ZEB1: variants seen among roughly 807,000 people sequenced by gnomAD.
ZEB1 encodes the protein zinc finger E-box-binding homeobox 1.
Under a neutral mutation model 84.9 loss-of-function variants are expected in ZEB1, and 21 were observed. The observed-to-expected ratio is 0.25, with a 90% CI of 0.18 to 0.36. The LOEUF (loss-of-function observed/expected upper bound fraction) is 0.36. Ranked by LOEUF, ZEB1 falls within the 10% of genes least tolerant of loss-of-function variation. The pLI, the probability that ZEB1 is intolerant of heterozygous loss-of-function variation, is 1.00. For synonymous variants in ZEB1, 420 were observed against 471.1 expected (o/e 0.89, Z 1.41); for missense variants, 1,104 against 1,330.2 (o/e 0.83, Z 2.65).
chr10:31,388,806 T>C lies in ZEB1; in HGVS notation c.58+69514T>C, dbSNP rs535342271. On this transcript the variant is annotated intron_variant, in intron 1 of 8. Coordinates refer to ENST00000424869, the MANE Select transcript of ZEB1 (RefSeq NM_001174096.2). ...TAGCATAGAATAGAATGGACAAATA[T>C]GTTATCCCTTTTTGCCAGTTGAGAA... Among the ~76,000 whole-genome samples the C allele has an allele frequency of 2.6e-5, 4 of 152,174 alleles. No individual in the cohort carries two copies. The East Asian group carries it at 5.8e-4, about 22-fold the overall frequency.
At chr10:31,503,650 T>C (rs917255896) in intron 4 of ZEB1, among the ~76,000 whole-genome samples, 2 of 152,028 alleles carry the variant, frequency 1.3e-5, no homozygotes, top group African/African-American at 4.8e-5. Context: ...CTCCGTAGTA[T>C]TTTCACAGTG....
intron 2 of ZEB1, among the ~76,000 whole-genome samples, chr10:31,491,141 T>C (rs745533247): frequency 2.0e-5 from 3 of 151,748 alleles, no homozygotes; most frequent in Non-Finnish European, 4.4e-5. Flanking sequence ...ATGATCTCAG[T>C]ACTTTGAGTT....
intron 8 of ZEB1, among the ~76,000 whole-genome samples, chr10:31,526,188 T>C (rs2073402943): frequency 6.6e-6 from 1 of 152,222 alleles, no homozygotes; most frequent in Non-Finnish European, 1.5e-5. Flanking sequence ...ACTGTATATT[T>C]ATGAGTTTTA....
chr10:31,485,396 A>G (rs1268937181), intron 2 of ZEB1, among the ~76,000 whole-genome samples: 1 of 151,890 alleles, frequency 6.6e-6, no homozygotes, highest in Non-Finnish European at 1.5e-5. Context: ...GACCCAGTAG[A>G]GCCAATGTCT....
rs996482321 is a variant in ZEB1 at position 31,371,432 on chromosome 10, C to T, written c.58+52140C>T. 4.6e-5 allele frequency among the ~76,000 whole-genome samples: 7 copies of T among 152,256 alleles called. 1 individual carries two copies. The highest frequency in any genetic ancestry group is 1.0e-4 in the Non-Finnish European group (7 of 67,990). The stretch of plus-strand genomic sequence containing the variant: ...AGTGAGGACATGAATACTTCCATAG[C>T]TATATTCCGTATTAATCACAGTTTG... On this transcript the variant is annotated intron_variant, in intron 1 of 8. Coordinates refer to ENST00000424869, the MANE Select transcript of ZEB1 (RefSeq NM_001174096.2).
intron 1 of ZEB1, among the ~76,000 whole-genome samples, chr10:31,438,504 C>A (rs2058532132): frequency 6.6e-6 from 1 of 152,032 alleles, no homozygotes; most frequent in South Asian, 2.1e-4. Flanking sequence ...AATTATACCT[C>A]CTATTCACCG....
At chr10:31,484,444 G>A (rs1266248665) in intron 2 of ZEB1, among the ~76,000 whole-genome samples, 3 of 151,958 alleles carry the variant, frequency 2.0e-5, no homozygotes, top group Non-Finnish European at 4.4e-5. Context: ...CTGTAATGAA[G>A]CAGGTTACTT....
intron 1 of ZEB1, among the ~76,000 whole-genome samples, chr10:31,384,139 C>G (rs904542483): frequency 2.0e-5 from 3 of 151,894 alleles, no homozygotes; most frequent in African/African-American, 7.3e-5. Context: ...CCACTCCTGA[C>G]TAATTTTTGT....
intron 1 of ZEB1, among the ~76,000 whole-genome samples, chr10:31,378,635 T>A (rs1257157337): frequency 1.3e-5 from 2 of 151,610 alleles, no homozygotes; most frequent in South Asian, 2.1e-4. Context: ...AAAGAAAAAC[T>A]TTTTTTTCTT....
At chr10:31,357,075 A>T (rs1195764613) in intron 1 of ZEB1, among the ~76,000 whole-genome samples, 1 of 152,092 alleles carries the variant, frequency 6.6e-6, no homozygotes, top group African/African-American at 2.4e-5. Context: ...TATCTATTTA[A>T]AAGTAAGAGG....
At chr10:31,389,658 A>G (rs1363347000) in intron 1 of ZEB1, 1 of 152,070 alleles carries the variant, frequency 6.6e-6, no homozygotes, top group Non-Finnish European at 1.5e-5. Flanking sequence ...CCAGCACTAT[A>G]TGGTACAAAG....
Position 31,497,924 on chromosome 10 carries a change from A to G in ZEB1, c.322+2086A>G, listed in dbSNP as rs973135212. Reference sequence around the variant, plus strand: ...GAGGATACTTTATTCAGGATGGAAAAATAGATAGATAGATAGATAGATAGA... The same window carrying G: ...GAGGATACTTTATTCAGGATGGAAAGATAGATAGATAGATAGATAGATAGA... On this transcript the variant is annotated intron_variant, in intron 3 of 8. Coordinates refer to ENST00000424869, the MANE Select transcript of ZEB1 (RefSeq NM_001174096.2). Among the ~76,000 whole-genome samples, 3 of 145,382 alleles carry G rather than the reference A, an allele frequency of 2.1e-5. No homozygotes were observed. The South Asian group carries it at 6.7e-4, about 32-fold the overall frequency.
intron 2 of ZEB1, among the ~76,000 whole-genome samples, chr10:31,466,780 A>G (rs1399494912): frequency 6.6e-6 from 1 of 152,240 alleles, no homozygotes; most frequent in Non-Finnish European, 1.5e-5. Flanking sequence ...TAAATGAAAT[A>G]AAGAGTAGAA....
At chr10:31,433,375 T>G (rs2057949486) in intron 1 of ZEB1, among the ~76,000 whole-genome samples, 1 of 152,238 alleles carries the variant, frequency 6.6e-6, no homozygotes, top group African/African-American at 2.4e-5. Context: ...CATTTACATC[T>G]GAAAGCTCAA....
rs552050428 is a variant in ZEB1, at chr10:31,394,268, C to T, written c.59-66769C>T. ...CAAAACACATTCAAGATAAAAGACA[C>T]GGAGAGAGGGAAAGATGACACTGTA... is the stretch of plus-strand genomic sequence containing the variant. On this transcript the variant is annotated intron_variant, in intron 1 of 8. Transcript: ENST00000424869. Among the ~76,000 whole-genome samples the T allele has an allele frequency of 4.6e-5, 7 of 152,192 alleles. No individual in the cohort carries two copies. The South Asian group carries it at 1.0e-3, about 23-fold the overall frequency.
intron 1 of ZEB1, among the ~76,000 whole-genome samples, chr10:31,367,054 G>T (rs1419273256): frequency 6.6e-6 from 1 of 152,108 alleles, no homozygotes; most frequent in Non-Finnish European, 1.5e-5. Flanking sequence ...TCTTTGTTGA[G>T]CCCGGGACCT....
At chr10:31,375,393 T>C (rs575768289) in intron 1 of ZEB1, among the ~76,000 whole-genome samples, 2 of 151,838 alleles carry the variant, frequency 1.3e-5, no homozygotes, top group Non-Finnish European at 3.0e-5. Flanking sequence ...TTCATTTTTC[T>C]TTGACAGCTC....
chr10:31,527,329 T>C lies in ZEB1; in HGVS notation c.*65T>C. 2 of 1,541,568 alleles carry C rather than the reference T, an allele frequency of 1.3e-6. No individual in the cohort carries two copies. Among genetic ancestry groups the C allele is most frequent in the South Asian group, 2.4e-5 (2 of 83,834 alleles). On this transcript the variant is annotated 3_prime_UTR_variant, in exon 9 of 9. Transcript: ENST00000424869. ...AATTTCGTTCAATATTATCCTTGCT[T>C]TTCATGGAAACACAGTAACCTGTAT...
chr10:31,502,634 C>T (rs2068319457), intron 4 of ZEB1, 125 bp downstream of exon 4: 1 of 1,133,472 alleles, frequency 8.8e-7, no homozygotes, highest in South Asian at 1.3e-5. Flanking sequence ...TTACAGGTGC[C>T]TATAGAGAGT....
Sources: gnomAD v4.1 joint callset for allele counts (sites outside exome capture counted in the v4.1 genomes callset) on GRCh38, gnomAD v4.1.1 for gene constraint, MANE v1.5 for transcripts, NCBI Gene and HGNC (gene_info 2026-07-23, HGNC 2026-07-21) for gene names.